Variants in TBCK observed in about 807,000 individuals in gnomAD.
TBCK encodes TBC1 domain containing kinase.
In TBCK, 99 loss-of-function variants were observed where a neutral mutation model predicts 113.4. The ratio of observed to expected loss-of-function variants is 0.87; its 90% CI spans 0.74 to 1.03. TBCK has a LOEUF of 1.03. Among genes scored for constraint, TBCK ranks in the 50% least tolerant of loss-of-function variants. The probability of loss-of-function intolerance (pLI) is 0.00; values close to 1 mark genes in which losing one functional copy is unlikely to be tolerated. For missense variants in TBCK, 1,045 were observed against 1,061.3 expected (o/e 0.98, Z 0.21); for synonymous variants, 369 against 370.8 (o/e 1.00, Z 0.05).
intron 23 of TBCK, among the ~76,000 whole-genome samples, chr4:106,122,314 G>T (rs1171543461): frequency 6.6e-5 from 10 of 152,076 alleles, no homozygotes; most frequent in Non-Finnish European, 1.0e-4. Context: ...ACTCTCCCAA[G>T]ACTAAACCAG....
chr4:106,114,823 C>T (rs1261498692), intron 24 of TBCK, among the ~76,000 whole-genome samples: 1 of 152,112 alleles, frequency 6.6e-6, no homozygotes, highest in African/African-American at 2.4e-5. Context: ...AGATTCTAAA[C>T]TCCTGAAGTA....
intron 19 of TBCK, chr4:106,213,601 G>A (rs1320772206): frequency 6.5e-6 from 1 of 153,564 alleles, no homozygotes; most frequent in African/African-American, 2.4e-5. Context: ...CAAAGAAAGG[G>A]GTGACGGACG....
chr4:106,063,150 A>C (rs1736237919), intron 25 of TBCK, among the ~76,000 whole-genome samples: 2 of 151,956 alleles, frequency 1.3e-5, no homozygotes, highest in Non-Finnish European at 1.5e-5. Context: ...CTATTTTCTT[A>C]TAATCTAATA....
At chr4:106,250,317 C>A in intron 7 of TBCK, 101 bp downstream of exon 7, 1 of 747,042 alleles carries the variant, frequency 1.3e-6, no homozygotes, top group Admixed American at 2.8e-5. Context: ...GAGGATATTT[C>A]AGTGTACTCA....
intron 22 of TBCK, among the ~76,000 whole-genome samples, chr4:106,190,373 T>C (rs1753524879): frequency 6.6e-6 from 1 of 152,222 alleles, no homozygotes; most frequent in African/African-American, 2.4e-5. Context: ...AGATAAGTAC[T>C]GAATAATGGA....
chr4:106,141,917 A>T (rs1747185443), intron 23 of TBCK, among the ~76,000 whole-genome samples: 1 of 141,464 alleles, frequency 7.1e-6, no homozygotes, highest in African/African-American at 2.5e-5. Context: ...ACATGGTATA[A>T]TTATAATCTT....
chr4:106,113,446 A>AAT (rs1438151753), intron 24 of TBCK, among the ~76,000 whole-genome samples: 1 of 152,178 alleles, frequency 6.6e-6, no homozygotes, highest in African/African-American at 2.4e-5. Context: ...CAAGACATAA[A>AAT]ACCTGCAGTT....
rs2305685 is a variant in TBCK at position 106,233,633 on chromosome 4, C to T, written c.1467G>A (p.Lys489=). 1.2e-6 allele frequency: 2 copies of T among 1,610,444 alleles called. No individual in the cohort carries two copies. Residue 489 remains lysine (K), a synonymous_variant, in exon 16 of 26, where the codon AAG becomes AAA. Coordinates refer to ENST00000394708, the MANE Select transcript of TBCK (RefSeq NM_001163435.3). ...LLGVEGAIHA[K]YDAIDKDTPI... Reference sequence around the variant, plus strand: ...GAGTGTCTTTATCAATTGCATCGTACTTGGCATGAATAGCTCCCTGCAAAA... The same window carrying T: ...GAGTGTCTTTATCAATTGCATCGTATTTGGCATGAATAGCTCCCTGCAAAA...
chr4:106,162,187 G>A (rs897598648), intron 23 of TBCK, among the ~76,000 whole-genome samples: 9 of 152,156 alleles, frequency 5.9e-5, no homozygotes, highest in Admixed American at 3.3e-4. Context: ...AAATTCAGCA[G>A]GGCAGCCAGA....
intron 10 of TBCK, 64 bp from the exon 11 acceptor site, chr4:106,244,828 G>A: frequency 1.0e-6 from 1 of 955,372 alleles, no homozygotes; most frequent in Non-Finnish European, 1.5e-6. Flanking sequence ...ACGTCAACAG[G>A]CAGTAATAGC....
intron 3 of TBCK, among the ~76,000 whole-genome samples, chr4:106,286,919 A>G (rs1765173414): frequency 6.6e-6 from 1 of 152,048 alleles, no homozygotes; most frequent in South Asian, 2.1e-4. Flanking sequence ...GGGGTGGAAT[A>G]GAGTTGAGGT....
chr4:106,167,055 G>A (rs1750450807), intron 23 of TBCK, among the ~76,000 whole-genome samples: 1 of 149,408 alleles, frequency 6.7e-6, no homozygotes, highest in Admixed American at 6.7e-5. Flanking sequence ...ATAATAACTT[G>A]AAAGAAAGAG....
chr4:106,078,727 C>G (rs1738513019), intron 25 of TBCK, among the ~76,000 whole-genome samples: 2 of 141,024 alleles, frequency 1.4e-5, no homozygotes, highest in African/African-American at 2.6e-5. Context: ...GATGTCAGTC[C>G]TATTCTAACT....
chr4:106,309,767 G>T (rs1033734740), intron 1 of TBCK, among the ~76,000 whole-genome samples: 1 of 152,058 alleles, frequency 6.6e-6, no homozygotes, highest in East Asian at 1.9e-4. Flanking sequence ...TTAAAAGAAG[G>T]CTCTATAATA....
chr4:106,120,150 TG>T (rs1260997847), intron 23 of TBCK, among the ~76,000 whole-genome samples: 1 of 152,158 alleles, frequency 6.6e-6, no homozygotes, highest in African/African-American at 2.4e-5. Context: ...ATTGCCTCAC[TG>T]GGGAAGCGCA....
rs79619936 is a variant in TBCK, at chr4:106,291,618, G to A, written c.266+3476C>T. On this transcript the variant is annotated intron_variant, in intron 3 of 25. Coordinates refer to ENST00000394708, the MANE Select transcript of TBCK (RefSeq NM_001163435.3). The stretch of plus-strand genomic sequence containing the variant: ...AAAAACATGAACACGAAGAACTGAA[G>A]TAATTACTGAAAGCCACCACTTCAT... Among the ~76,000 whole-genome samples the A allele has an allele frequency of 2.6e-5, 4 of 152,318 alleles. No individual in the cohort carries two copies. In the East Asian group the frequency reaches 7.7e-4, roughly 29 times the overall value.
chr4:106,234,830 A>T (rs1487829974), intron 15 of TBCK, among the ~76,000 whole-genome samples: 4 of 152,096 alleles, frequency 2.6e-5, no homozygotes, highest in Admixed American at 2.6e-4. Flanking sequence ...AGCATAGTCC[A>T]GGTGGAATAG....
chr4:106,271,334 A>G (rs1763452659), intron 3 of TBCK, among the ~76,000 whole-genome samples: 1 of 152,222 alleles, frequency 6.6e-6, no homozygotes, highest in Non-Finnish European at 1.5e-5. Flanking sequence ...CACAAAAAAT[A>G]TAATATTAAT....
intron 3 of TBCK, among the ~76,000 whole-genome samples, chr4:106,279,315 T>C (rs1764347453): frequency 6.6e-6 from 1 of 152,192 alleles, no homozygotes; most frequent in Non-Finnish European, 1.5e-5. Flanking sequence ...TTTTTAATTT[T>C]AATTTTTGTG....
Sources: allele counts gnomAD v4.1 joint callset (sites outside exome capture counted in the v4.1 genomes callset), GRCh38; gene constraint gnomAD v4.1.1; transcripts MANE v1.5; gene names NCBI Gene and HGNC (gene_info 2026-07-23, HGNC 2026-07-21).